PDE10A: variants seen among roughly 807,000 people sequenced by gnomAD.
PDE10A encodes phosphodiesterase 10A.
PDE10A carries 39 observed loss-of-function variants against 97.7 expected under a neutral mutation model. The observed-to-expected ratio is 0.40, with a 90% CI of 0.31 to 0.52. The LOEUF (loss-of-function observed/expected upper bound fraction) is 0.52, where lower values mean the gene tolerates loss of function less well. Among genes scored for constraint, PDE10A ranks in the 20% least tolerant of loss-of-function variants. The pLI is 0.56. For missense variants in PDE10A, 731 were observed against 1,047.8 expected (o/e 0.70, Z 4.17); for synonymous variants, 371 against 376.8 (o/e 0.98, Z 0.18).
At chr6:165,813,167 T>G (rs1183721837) in intron 1 of PDE10A, among the ~76,000 whole-genome samples, 2 of 152,038 alleles carry the variant, frequency 1.3e-5, no homozygotes, top group African/African-American at 4.8e-5. Context: ...TAGCTTAGAG[T>G]CATGCTAGAC....
At chr6:165,921,088 G>A (rs548542934) in intron 1 of PDE10A, among the ~76,000 whole-genome samples, 8 of 152,260 alleles carry the variant, frequency 5.3e-5, no homozygotes, top group South Asian at 4.1e-4. Context: ...TGAATGACCC[G>A]CCTACTGACT....
intron 1 of PDE10A, among the ~76,000 whole-genome samples, chr6:165,853,215 T>C (rs1780621930): frequency 6.6e-6 from 1 of 152,240 alleles, no homozygotes; most frequent in Admixed American, 6.5e-5. Flanking sequence ...CAGGTTCTCA[T>C]GGTTGCTTTT....
chr6:165,898,922 T>C (rs145140757), intron 1 of PDE10A, among the ~76,000 whole-genome samples: 38 of 152,326 alleles, frequency 2.5e-4, no homozygotes, highest in African/African-American at 8.9e-4. Context: ...GTGTGCATCA[T>C]TCCCCCATTT....
chr6:165,972,066 G>T (rs926538609), intron 1 of PDE10A, among the ~76,000 whole-genome samples: 1 of 152,092 alleles, frequency 6.6e-6, no homozygotes, highest in Non-Finnish European at 1.5e-5. Context: ...AAAGGTACAC[G>T]CTGTAACAAA....
chr6:165,627,138 G>A (rs1035009940), intron 1 of PDE10A, among the ~76,000 whole-genome samples: 2 of 152,192 alleles, frequency 1.3e-5, no homozygotes, highest in Non-Finnish European at 2.9e-5. Context: ...TTTTAATTGC[G>A]GCTTTATTTA....
At chr6:165,814,520 T>G (rs146516936) in intron 1 of PDE10A, among the ~76,000 whole-genome samples, 202 of 152,326 alleles carry the variant, frequency 1.3e-3, no homozygotes, top group African/African-American at 4.7e-3. Context: ...GATAAATTAT[T>G]TCACGGCCAT....
intron 1 of PDE10A, among the ~76,000 whole-genome samples, chr6:165,708,531 A>G (rs1046651352): frequency 5.3e-5 from 8 of 151,474 alleles, no homozygotes; most frequent in African/African-American, 1.9e-4. Context: ...ATCCCCAAAC[A>G]CGGTTCTCAG....
Position 165,407,850 on chromosome 6 carries a change from T to C in PDE10A, c.2076+5651A>G, listed in dbSNP as rs183340941. Reference sequence around the variant, plus strand: ...ATGAGTAAATTAATTGACTTGGATTTAAAAGATGTTTTCTGTTGATAGTAC... The same window carrying C: ...ATGAGTAAATTAATTGACTTGGATTCAAAAGATGTTTTCTGTTGATAGTAC... On this transcript the variant is annotated intron_variant, in intron 13 of 21. Coordinates refer to ENST00000539869, the MANE Select transcript of PDE10A (RefSeq NM_001385079.1). 8.2e-4 allele frequency among the ~76,000 whole-genome samples: 125 copies of C among 152,346 alleles called. 2 individuals are homozygous for C. The East Asian group carries it at 0.016, about 19-fold the overall frequency.
At chr6:165,553,669 T>C (rs1583527566) in intron 1 of PDE10A, among the ~76,000 whole-genome samples, 2 of 152,298 alleles carry the variant, frequency 1.3e-5, no homozygotes, top group Non-Finnish European at 2.9e-5. Context: ...GAAGATATTG[T>C]TTCCCACATT....
chr6:165,852,533 G>C (rs759577472), intron 1 of PDE10A, among the ~76,000 whole-genome samples: 2 of 152,166 alleles, frequency 1.3e-5, no homozygotes, highest in Non-Finnish European at 2.9e-5. Context: ...TCATAGAAAT[G>C]GACCTTTCTG....
At chr6:165,386,979 G>A (rs1044715497) in intron 17 of PDE10A, among the ~76,000 whole-genome samples, 1 of 152,036 alleles carries the variant, frequency 6.6e-6, no homozygotes, top group Non-Finnish European at 1.5e-5. Flanking sequence ...TCGCGCCACT[G>A]CACTCCAGCC....
intron 18 of PDE10A, among the ~76,000 whole-genome samples, chr6:165,350,982 T>C (rs1405376247): frequency 2.0e-5 from 3 of 152,180 alleles, no homozygotes; most frequent in Non-Finnish European, 4.4e-5. Flanking sequence ...ATTAGCAGCA[T>C]GAGAACGGAC....
chr6:165,683,328 C>A (rs1187852222), intron 1 of PDE10A, among the ~76,000 whole-genome samples: 2 of 152,134 alleles, frequency 1.3e-5, no homozygotes, highest in Non-Finnish European at 2.9e-5. Flanking sequence ...GGAAACTGCC[C>A]AGCCAACGAG....
At chr6:165,699,652 C>T (rs1208821916) in intron 1 of PDE10A, among the ~76,000 whole-genome samples, 1 of 151,964 alleles carries the variant, frequency 6.6e-6, no homozygotes, top group Non-Finnish European at 1.5e-5. Flanking sequence ...TCTCCAGCAA[C>T]AATGGAATAA....
intron 2 of PDE10A, among the ~76,000 whole-genome samples, chr6:165,527,348 C>T (rs993385358): frequency 7.2e-5 from 11 of 152,304 alleles, no homozygotes; most frequent in Middle Eastern, 3.4e-3. Flanking sequence ...TCCAGGCTAA[C>T]ATGCAAGCTG....
chr6:165,708,005 A>G (rs992108869), intron 1 of PDE10A, among the ~76,000 whole-genome samples: 4 of 152,118 alleles, frequency 2.6e-5, no homozygotes, highest in African/African-American at 7.2e-5. Flanking sequence ...CCAGATTTTT[A>G]AAAACTCAAC....
At chr6:165,874,934 G>C (rs1781294666) in intron 1 of PDE10A, among the ~76,000 whole-genome samples, 1 of 152,262 alleles carries the variant, frequency 6.6e-6, no homozygotes, top group Non-Finnish European at 1.5e-5. Flanking sequence ...GGTCAGTAGG[G>C]ACCCAGTTAT....
In PDE10A at chr6:165,450,314, T is replaced by C. The variant is rs1197215762; in HGVS notation, c.1072A>G (p.Ile358Val). 3 of 1,590,522 alleles carry C rather than the reference T, an allele frequency of 1.9e-6. No individual in the cohort carries two copies. Among genetic ancestry groups the C allele is most frequent in the Non-Finnish European group, 1.7e-6 (2 of 1,159,912 alleles). Residue 358 changes from isoleucine to valine, a missense_variant, in exon 4 of 22, where the codon ATA becomes GTA. Ile to Val is a conservative substitution (Grantham distance 29). Around this residue, in one of 8 missense-constraint regions of PDE10A, gnomAD observed 152 missense variants for 199.3 expected, o/e 0.76. Coordinates refer to ENST00000539869, the MANE Select transcript of PDE10A (RefSeq NM_001385079.1). ...QGVVYELNSYIEQRLDTGGDN... is the reference protein window; with the variant it reads ...QGVVYELNSYVEQRLDTGGDN... ...CCTCCTGTGTCCAACCGTTGTTCTA[T>C]ATAGCTGTTTAGTTCATATACAACT...
chr6:165,386,418 T>C (rs1331794693), intron 17 of PDE10A, among the ~76,000 whole-genome samples: 1 of 152,208 alleles, frequency 6.6e-6, no homozygotes, highest in Non-Finnish European at 1.5e-5. Flanking sequence ...AATTCAGCTG[T>C]GATTAAACTG....
Sources: allele counts gnomAD v4.1 joint callset (sites outside exome capture counted in the v4.1 genomes callset), GRCh38; gene constraint gnomAD v4.1.1; regional missense constraint gnomAD v4.1.1; transcripts MANE v1.5; gene names NCBI Gene and HGNC (gene_info 2026-07-23, HGNC 2026-07-21).